The following PIEZO2 variants were observed in gnomAD, a reference collection of about 807,000 sequenced individuals.
The protein encoded by PIEZO2 is piezo-type mechanosensitive ion channel component 2.
Under a neutral mutation model 337.3 loss-of-function variants are expected in PIEZO2, and 172 were observed. The ratio of observed to expected loss-of-function variants is 0.51; its 90% CI spans 0.45 to 0.58. The LOEUF is 0.58. Ranked by LOEUF, PIEZO2 falls within the 20% of genes least tolerant of loss-of-function variation. PIEZO2 has a pLI of 0.00. For missense variants in PIEZO2, 3,028 were observed against 3,391.3 expected, an observed-to-expected ratio of 0.89 and a Z score of 2.66; for synonymous variants, 1,251 against 1,228.5, an observed-to-expected ratio of 1.02 and a Z score of -0.38.
chr18:10,926,425 C>G (rs1424410445), intron 3 of PIEZO2, among the ~76,000 whole-genome samples: 1 of 152,148 alleles, frequency 6.6e-6, no homozygotes, highest in Non-Finnish European at 1.5e-5. Flanking sequence ...TTTTTGGTGA[C>G]TATCTTAGCA....
At chr18:10,820,384 AT>A (rs746891804) in intron 7 of PIEZO2, among the ~76,000 whole-genome samples, 134 of 151,078 alleles carry the variant, frequency 8.9e-4, no homozygotes, top group Admixed American at 2.5e-3. Flanking sequence ...TTGTGCTTCA[AT>A]TTGGGTAGGA....
rs996452115 is a variant in PIEZO2, at chr18:10,973,579, G to C, written c.286+5956C>G. On this transcript the variant is annotated intron_variant, in intron 3 of 55. Transcript: ENST00000674853. This position sits in a 1 kb window ranked among gnomAD's most constrained non-coding sequence, Gnocchi z 4.9. Reference sequence around the variant, plus strand: ...TTCCTAATCTTTTGATGCACAGGTGGCCAGAAGTAAAGATATAGCTTGGAC... The same window carrying C: ...TTCCTAATCTTTTGATGCACAGGTGCCCAGAAGTAAAGATATAGCTTGGAC... Among the ~76,000 whole-genome samples the C allele has an allele frequency of 6.6e-6, 1 of 152,320 alleles. No homozygotes were observed. The highest frequency in any genetic ancestry group is 6.5e-5 in the Admixed American group (1 of 15,304).
rs2036875893 is a variant in PIEZO2 at position 11,035,017 on chromosome 18, C to T, written c.160+31110G>A. ...GTCAGAAGGTAACTCAAGGTCTTCT[C>T]AGCCTGCAGAGCAAAGCAGAAGCAA... On this transcript the variant is annotated intron_variant, in intron 2 of 55. Transcript: ENST00000674853. The surrounding 1 kb of genome is among the most constrained non-coding windows in gnomAD (Gnocchi z 4.3). Among the ~76,000 whole-genome samples the T allele has an allele frequency of 6.6e-6, 1 of 152,236 alleles. No homozygotes were observed. Among genetic ancestry groups the T allele is most frequent in the Admixed American group, 6.5e-5 (1 of 15,286 alleles).
chr18:11,071,451 A>G (rs940555725), intron 1 of PIEZO2, among the ~76,000 whole-genome samples: 5 of 152,232 alleles, frequency 3.3e-5, no homozygotes, highest in African/African-American at 1.2e-4. Context: ...GCTACATCAG[A>G]GAGCAAAACG....
rs1436791319 is a variant in PIEZO2, at chr18:10,857,228, C to T, written c.493-17G>A. On this transcript the variant is annotated splice_polypyrimidine_tract_variant and intron_variant, in intron 5 of 55. Coordinates refer to ENST00000674853, the MANE Select transcript of PIEZO2 (RefSeq NM_001378183.1). ...TCCTTCAGCCTAAATAAATGACAAACAGGAAACACTCAAGTCCAGGAGCCT... is the reference window on the plus strand; with the variant it reads ...TCCTTCAGCCTAAATAAATGACAAATAGGAAACACTCAAGTCCAGGAGCCT... 6.5e-7 allele frequency: 1 copy of T among 1,535,114 alleles called. No homozygotes were observed. Among genetic ancestry groups the T allele is most frequent in the Non-Finnish European group, 8.7e-7 (1 of 1,144,978 alleles).
chr18:10,749,722 C>G (rs2037573654), intron 29 of PIEZO2, among the ~76,000 whole-genome samples: 1 of 152,174 alleles, frequency 6.6e-6, no homozygotes, highest in Non-Finnish European at 1.5e-5. Flanking sequence ...AGCCTGAAGT[C>G]AGAGTTACTT....
intron 21 of PIEZO2, among the ~76,000 whole-genome samples, chr18:10,768,907 C>T (rs933624713): frequency 6.6e-6 from 1 of 152,164 alleles, no homozygotes; most frequent in African/African-American, 2.4e-5. Context: ...AGCAGATTCT[C>T]TGCGTCCGAC....
intron 21 of PIEZO2, among the ~76,000 whole-genome samples, chr18:10,765,737 A>AACTGAACC (rs2038324783): frequency 6.6e-6 from 1 of 151,740 alleles, no homozygotes; most frequent in Non-Finnish European, 1.5e-5. Flanking sequence ...CAGCAAGTGC[A>AACTGAACC]GGAGTCCTGT....
At chr18:11,045,066 T>C (rs1348927371) in intron 2 of PIEZO2, among the ~76,000 whole-genome samples, 4 of 151,846 alleles carry the variant, frequency 2.6e-5, no homozygotes, top group African/African-American at 7.3e-5. Flanking sequence ...GAGGCCAAAG[T>C]GGGCGGATCA....
chr18:10,910,888 C>T (rs983321372), intron 4 of PIEZO2, among the ~76,000 whole-genome samples: 5 of 151,876 alleles, frequency 3.3e-5, no homozygotes, highest in Non-Finnish European at 7.4e-5. Flanking sequence ...TCAACCATTT[C>T]CTGGGATTCT....
chr18:10,677,996 G>A lies in PIEZO2; in HGVS notation c.7953-121C>T, dbSNP rs2034089379. ...CCACGTTTTCATTGGGTCCACAACG[G>A]TCAATCCTGACCCTTTCAGTCTACT... On this transcript the variant is annotated intron_variant, in intron 52 of 55. Transcript: ENST00000674853. The surrounding 1 kb of genome is among the most constrained non-coding windows in gnomAD (Gnocchi z 4.1). 2 of 915,386 alleles carry A rather than the reference G, an allele frequency of 2.2e-6. No individual in the cohort carries two copies. Among genetic ancestry groups the A allele is most frequent in the Non-Finnish European group, 3.1e-6 (2 of 635,806 alleles). The allele number at this position is 915,386 out of a possible 1,614,324, so 56.7% of individuals were successfully genotyped here. A position where few individuals can be genotyped will look rare whatever the true frequency, so the allele number is the denominator to read the frequency against.
At chr18:10,785,431 G>C (rs1279013551) in intron 16 of PIEZO2, among the ~76,000 whole-genome samples, 1 of 152,164 alleles carries the variant, frequency 6.6e-6, no homozygotes, top group Non-Finnish European at 1.5e-5. Context: ...TACAGCGCAG[G>C]CTCCTCCTGT....
In PIEZO2 at chr18:11,048,713, AT is replaced by A. The variant is rs1178636423; in HGVS notation, c.160+17413del. Among the ~76,000 whole-genome samples, 1 of 152,182 alleles carries A rather than the reference AT, an allele frequency of 6.6e-6. No individual in the cohort carries two copies. The highest frequency in any genetic ancestry group is 1.5e-5 in the Non-Finnish European group (1 of 68,012). The stretch of plus-strand genomic sequence containing the variant: ...TTCAGTAGCCTCTGTGTGTTTCTTA[AT>A]TTCCTTATCTGTAAAACATAAATAA... On this transcript the variant is annotated intron_variant, in intron 2 of 55. Coordinates refer to ENST00000674853, the MANE Select transcript of PIEZO2 (RefSeq NM_001378183.1). This position sits in a 1 kb window ranked among gnomAD's most constrained non-coding sequence, Gnocchi z 4.5.
At chr18:10,804,201 G>T (rs1202080472) in intron 8 of PIEZO2, among the ~76,000 whole-genome samples, 1 of 152,248 alleles carries the variant, frequency 6.6e-6, no homozygotes, top group Non-Finnish European at 1.5e-5. Context: ...AATGTCCCCT[G>T]ATTCTACTAA....
chr18:10,727,964 A>G lies in PIEZO2; in HGVS notation c.5029+3443T>C, dbSNP rs1419716276. Reference sequence around the variant, plus strand: ...ATTAAAACAGTAATAACAAAAAAAAAAAAGAAAAAAGAAAAAAAGGGATAA... The same window carrying G: ...ATTAAAACAGTAATAACAAAAAAAAGAAAGAAAAAAGAAAAAAAGGGATAA... On this transcript the variant is annotated intron_variant, in intron 36 of 55. Coordinates refer to ENST00000674853, the MANE Select transcript of PIEZO2 (RefSeq NM_001378183.1). The surrounding 1 kb of genome is among the most constrained non-coding windows in gnomAD (Gnocchi z 6.3). 6.6e-6 allele frequency: 1 copy of G among 152,028 alleles called. No homozygotes were observed. The highest frequency in any genetic ancestry group is 1.5e-5 in the Non-Finnish European group (1 of 68,038). The allele number at this position is 152,028 out of a possible 1,614,324, so 9.4% of individuals were successfully genotyped here.
chr18:10,905,401 T>C (rs1001967029), intron 4 of PIEZO2, among the ~76,000 whole-genome samples: 2 of 151,974 alleles, frequency 1.3e-5, no homozygotes, highest in Non-Finnish European at 2.9e-5. Flanking sequence ...CTGACCAACA[T>C]GGAGAAACCC....
intron 32 of PIEZO2, among the ~76,000 whole-genome samples, chr18:10,741,354 C>T (rs921299036): frequency 6.6e-6 from 1 of 152,054 alleles, no homozygotes; most frequent in Non-Finnish European, 1.5e-5. Flanking sequence ...CATACAAAGA[C>T]ATATAAAAAA....
At position 10,952,185 on chromosome 18, in the gene PIEZO2, A is replaced by G. The variant is rs773598323; in HGVS notation, c.286+27350T>C. Among the ~76,000 whole-genome samples, 10 of 152,202 alleles carry G rather than the reference A, an allele frequency of 6.6e-5. No homozygotes were observed. Among genetic ancestry groups the G allele is most frequent in the Non-Finnish European group, 1.5e-4 (10 of 68,036 alleles). Reference sequence around the variant, plus strand: ...GTGAAACAGTGAGAGGAAAATTCCAATGTGTTACCACTGTGGTCGCTGGCT... The same window carrying G: ...GTGAAACAGTGAGAGGAAAATTCCAGTGTGTTACCACTGTGGTCGCTGGCT... On this transcript the variant is annotated intron_variant, in intron 3 of 55. Transcript: ENST00000674853. The surrounding 1 kb of genome is among the most constrained non-coding windows in gnomAD (Gnocchi z 4.1).
intron 13 of PIEZO2, among the ~76,000 whole-genome samples, chr18:10,793,645 T>G (rs1012853779): frequency 2.0e-5 from 3 of 152,170 alleles, no homozygotes; most frequent in Admixed American, 6.5e-5. Context: ...TATGTGTGTG[T>G]GGGTCTGTGT....
Sources: gnomAD v4.1 joint callset for allele counts (sites outside exome capture counted in the v4.1 genomes callset) on GRCh38, gnomAD v4.1.1 for gene constraint, Gnocchi (gnomAD v3.1) non-coding constraint, MANE v1.5 for transcripts, NCBI Gene and HGNC (gene_info 2026-07-23, HGNC 2026-07-21) for gene names.